Variants in CEP152 observed in about 807,000 individuals in gnomAD.
The protein encoded by CEP152 is centrosomal protein of 152 kDa.
A neutral mutation model predicts 188.9 loss-of-function variants in CEP152; 132 were observed. The observed-to-expected ratio is 0.70, with a 90% confidence interval of 0.61 to 0.81. The LOEUF (loss-of-function observed/expected upper bound fraction) is 0.81. Ranked by LOEUF, CEP152 falls within the 30% of genes least tolerant of loss-of-function variation. The pLI, the probability that CEP152 is intolerant of heterozygous loss-of-function variation, is 0.00. For missense variants in CEP152, 1,914 were observed against 1,969.8 expected (o/e 0.97, Z 0.54); for synonymous variants, 649 against 666.6 (o/e 0.97, Z 0.41).
chr15:48,771,100 G>A (rs911494621), intron 13 of CEP152, among the ~76,000 whole-genome samples: 1 of 152,012 alleles, frequency 6.6e-6, no homozygotes. Flanking sequence ...ATTTTCTATT[G>A]GGAGTATAGA....
chr15:48,768,506 G>A (rs980974903), intron 14 of CEP152, among the ~76,000 whole-genome samples, 178 bp from the exon 15 acceptor site: 1 of 152,054 alleles, frequency 6.6e-6, no homozygotes, highest in South Asian at 2.1e-4. Flanking sequence ...TAAGAACATA[G>A]ATTCATTTAT....
intron 14 of CEP152, 109 bp from the exon 15 acceptor site, chr15:48,768,437 C>T (rs1042816670): frequency 1.6e-6 from 1 of 644,278 alleles, no homozygotes; most frequent in Non-Finnish European, 2.7e-6. Context: ...TCCCCTATAA[C>T]AATATTTGAC....
intron 24 of CEP152, among the ~76,000 whole-genome samples, 184 bp from the exon 25 acceptor site, chr15:48,742,284 G>A (rs980783729): frequency 6.6e-6 from 1 of 152,184 alleles, no homozygotes; most frequent in Non-Finnish European, 1.5e-5. Context: ...AGACTCAAAT[G>A]AGAAGTACTC....
chr15:48,782,517 G>A (rs953596757), intron 10 of CEP152, among the ~76,000 whole-genome samples: 2 of 152,052 alleles, frequency 1.3e-5, no homozygotes, highest in Admixed American at 6.6e-5. Context: ...TTAACATTCC[G>A]GAAGTCCTTT....
chr15:48,759,550 C>T (rs1031909918), intron 19 of CEP152, among the ~76,000 whole-genome samples: 6 of 152,234 alleles, frequency 3.9e-5, no homozygotes, highest in Admixed American at 3.9e-4. Flanking sequence ...TAGGGCTTGA[C>T]TATAATTTTT....
At position 48,788,858 on chromosome 15, in the gene CEP152, C is replaced by G. The variant is rs369383335; in HGVS notation, c.1116G>C (p.Glu372Asp). 7.4e-6 allele frequency: 12 copies of G among 1,614,062 alleles called. No individual in the cohort carries two copies. In the African/African-American group the frequency reaches 1.6e-4, roughly 22 times the overall value. ...IVMGLTKKYE[E>D]QVLSLQKNLD... ...AATTCTTTTGTAAGGACAATACTTGCTCTTCGTACTTCTTTGTGAGGCCCA... is the reference window on the plus strand; with the variant it reads ...AATTCTTTTGTAAGGACAATACTTGGTCTTCGTACTTCTTTGTGAGGCCCA... The change falls in exon 9 of 27, where the codon GAG (glutamate) becomes GAC (aspartate). Residue 372 changes from glutamate (E) to aspartate (D), a missense_variant. By Grantham distance (45) the Glu-to-Asp change is conservative. Transcript: ENST00000380950.
intron 2 of CEP152, among the ~76,000 whole-genome samples, chr15:48,798,558 G>A (rs552499191): frequency 1.3e-4 from 20 of 152,298 alleles, no homozygotes; most frequent in Middle Eastern, 3.4e-3. Context: ...GTAGAAACCC[G>A]TGGGAGTCAC....
chr15:48,737,952 A>G lies in CEP152; in HGVS notation c.*297T>C. 1 of 270,038 alleles carries G rather than the reference A, an allele frequency of 3.7e-6. No homozygotes were observed. 16.7% of individuals were successfully genotyped at this position (270,038 alleles called of 1,614,324 possible). On this transcript the variant is annotated 3_prime_UTR_variant, in exon 27 of 27. Coordinates refer to ENST00000380950, the MANE Select transcript of CEP152 (RefSeq NM_001194998.2). ...CATAACAATTCTACAGACCATATGC[A>G]AGTTTATTTAAATAAGTTAACACTG... is the stretch of plus-strand genomic sequence containing the variant.
At chr15:48,783,778 T>TACAGAAGGC in intron 10 of CEP152, 195 bp downstream of exon 10, 1 of 194,672 alleles carries the variant, frequency 5.1e-6, no homozygotes, top group Non-Finnish European at 9.7e-6. Flanking sequence ...TGTGTATGTA[T>TACAGAAGGC]ATATATATAT....
At chr15:48,761,757 T>G (rs962262406) in intron 18 of CEP152, among the ~76,000 whole-genome samples, 3 of 152,216 alleles carry the variant, frequency 2.0e-5, no homozygotes, top group African/African-American at 7.2e-5. Context: ...TGAGAATCAC[T>G]GTAATAGGTA....
downstream of CEP152, among the ~76,000 whole-genome samples, chr15:48,737,252 CA>C (rs1466890582): frequency 6.6e-6 from 1 of 152,120 alleles, no homozygotes; most frequent in African/African-American, 2.4e-5. Flanking sequence ...GATTAACCCC[CA>C]AATACAATCC....
rs201666673 is a variant in CEP152 at position 48,738,683 on chromosome 15, C to A, written c.4699G>T (p.Asp1567Tyr). ...VQEPPVKDGG[D>Y]LSDCLGWPSS... is the part of the protein sequence containing the mutation. ...GGCCAGCCCAAGCAGTCACTAAGGT[C>A]CCCTCCATCTTTTACTGGAGGTTCC... is the stretch of plus-strand genomic sequence containing the variant. Residue 1567 changes from aspartate to tyrosine, a missense_variant, in exon 27 of 27, where the codon GAC becomes TAC. By Grantham distance (160) the Asp-to-Tyr change is radical. Transcript: ENST00000380950. 1.9e-6 allele frequency: 3 copies of A among 1,614,184 alleles called. No homozygotes were observed. In the South Asian group the frequency reaches 3.3e-5, roughly 18 times the overall value.
Position 48,769,094 on chromosome 15 carries a change from AG to A in CEP152, c.1783-14del. The A allele has an allele frequency of 6.3e-7, 1 of 1,595,202 alleles. No homozygotes were observed. The highest frequency in any genetic ancestry group is 2.2e-5 in the East Asian group (1 of 44,612). ...TATCTGTTTTAGTCTGAATATTAAA[AG>A]GTCAAAAGTTTTACAAGTTTTAAAA... On this transcript the variant is annotated splice_polypyrimidine_tract_variant and intron_variant, in intron 13 of 26. Transcript: ENST00000380950.
chr15:48,772,875 A>G (rs978886283), intron 12 of CEP152, among the ~76,000 whole-genome samples, 184 bp from the exon 13 acceptor site: 3 of 152,192 alleles, frequency 2.0e-5, no homozygotes, highest in African/African-American at 4.8e-5. Context: ...GTCTCTATAT[A>G]CAGAAATACG....
chr15:48,749,641 G>T (rs1893730191), intron 21 of CEP152, among the ~76,000 whole-genome samples: 1 of 151,670 alleles, frequency 6.6e-6, no homozygotes, highest in Admixed American at 6.6e-5. Flanking sequence ...CAACCATGAA[G>T]AAACACCAGA....
chr15:48,754,607 G>A lies in CEP152; in HGVS notation c.3345+1296C>T, dbSNP rs1051944798. Among the ~76,000 whole-genome samples, 4 of 152,056 alleles carry A rather than the reference G, an allele frequency of 2.6e-5. No homozygotes were observed. In the East Asian group the frequency reaches 5.8e-4, roughly 22 times the overall value. On this transcript the variant is annotated intron_variant, in intron 20 of 26. Transcript: ENST00000380950. The stretch of plus-strand genomic sequence containing the variant: ...AATTTTACATTGAAGGCAACTACTC[G>A]GTAGCAACATCTTTGTGAGGTCAAG...
At chr15:48,748,933 T>C (rs763628374) in intron 21 of CEP152, among the ~76,000 whole-genome samples, 3 of 152,092 alleles carry the variant, frequency 2.0e-5, no homozygotes, top group Non-Finnish European at 4.4e-5. Context: ...GTCAAGGATC[T>C]TCAAGAAATG....
chr15:48,748,427 T>G lies in CEP152; in HGVS notation c.3634+16A>C. 1 of 1,521,146 alleles carries G rather than the reference T, an allele frequency of 6.6e-7. No individual in the cohort carries two copies. The highest frequency in any genetic ancestry group is 8.8e-7 in the Non-Finnish European group (1 of 1,139,984). 94.2% of individuals were successfully genotyped at this position (1,521,146 alleles called of 1,614,324 possible). A position where few individuals can be genotyped will look rare whatever the true frequency, so the allele number is the denominator to read the frequency against. On this transcript the variant is annotated intron_variant, in intron 22 of 26. Transcript: ENST00000380950. ...AAGAAATTCATATTGGTAGCAGTGC[T>G]ACTTTAAATGCTAACCTCCAATTTT...
chr15:48,741,463 T>C, intron 26 of CEP152, 138 bp downstream of exon 26: 1 of 1,544,946 alleles, frequency 6.5e-7, no homozygotes, highest in African/African-American at 1.4e-5. Flanking sequence ...TTGCGTAAAC[T>C]TCTAGTTTAA....
Sources: allele counts gnomAD v4.1 joint callset (sites outside exome capture counted in the v4.1 genomes callset), GRCh38; gene constraint gnomAD v4.1.1; transcripts MANE v1.5; gene names NCBI Gene and HGNC (gene_info 2026-07-23, HGNC 2026-07-21).